PDZRN4: variants seen among roughly 807,000 people sequenced by gnomAD.
The protein encoded by PDZRN4 is PDZ domain-containing RING finger protein 4.
In PDZRN4, 70 loss-of-function variants were observed where a neutral mutation model predicts 99.0. The ratio of observed to expected loss-of-function variants is 0.71; its 90% confidence interval spans 0.58 to 0.86. The LOEUF is 0.86. Ranked by LOEUF, PDZRN4 falls within the 40% of genes least tolerant of loss-of-function variation. The pLI is 0.00. For missense variants in PDZRN4, 1,474 were observed against 1,331.2 expected, an observed-to-expected ratio of 1.11 and a Z score of -1.67; for synonymous variants, 551 against 501.6, an observed-to-expected ratio of 1.10 and a Z score of -1.32.
At chr12:41,458,718 G>A (rs1334911088) in intron 3 of PDZRN4, among the ~76,000 whole-genome samples, 1 of 152,086 alleles carries the variant, frequency 6.6e-6, no homozygotes, top group Non-Finnish European at 1.5e-5. Flanking sequence ...TGGTGGGACT[G>A]AGAAGGGTGG....
intron 3 of PDZRN4, among the ~76,000 whole-genome samples, chr12:41,227,586 G>A (rs1267426800): frequency 1.3e-5 from 2 of 152,010 alleles, no homozygotes; most frequent in Non-Finnish European, 2.9e-5. Context: ...GATGGTTTGA[G>A]CCCAGGAGGT....
intron 3 of PDZRN4, among the ~76,000 whole-genome samples, chr12:41,461,292 G>A (rs559133569): frequency 5.3e-5 from 8 of 151,768 alleles, no homozygotes; most frequent in South Asian, 2.1e-4. Flanking sequence ...GGGGTTTGTC[G>A]TACAGATTAT....
intron 3 of PDZRN4, among the ~76,000 whole-genome samples, chr12:41,301,550 C>T (rs934954304): frequency 2.6e-5 from 4 of 151,996 alleles, no homozygotes; most frequent in South Asian, 4.1e-4. Context: ...TCTTCCTGTA[C>T]ATAATTCAGA....
intron 3 of PDZRN4, among the ~76,000 whole-genome samples, chr12:41,277,919 G>A (rs114522440): frequency 2.5e-3 from 382 of 152,302 alleles, no homozygotes; most frequent in African/African-American, 8.9e-3. Flanking sequence ...AGTGAAAGGT[G>A]ATGTGGAATA....
At chr12:41,401,017 T>TA (rs1309294205) in intron 3 of PDZRN4, among the ~76,000 whole-genome samples, 1 of 152,192 alleles carries the variant, frequency 6.6e-6, no homozygotes, top group Non-Finnish European at 1.5e-5. Flanking sequence ...TGAAGCATTT[T>TA]AAAAATTCTT....
intron 3 of PDZRN4, among the ~76,000 whole-genome samples, chr12:41,497,903 A>T (rs193150662): frequency 6.6e-6 from 1 of 152,142 alleles, no homozygotes; most frequent in African/African-American, 2.4e-5. Flanking sequence ...TCAATTCCTT[A>T]TAATTATTTG....
At chr12:41,224,677 C>G (rs1335447353) in intron 3 of PDZRN4, among the ~76,000 whole-genome samples, 1 of 152,104 alleles carries the variant, frequency 6.6e-6, no homozygotes, top group Non-Finnish European at 1.5e-5. Context: ...GAGTTTGTGT[C>G]TTAGAGTAAT....
chr12:41,303,027 G>C (rs929031749), intron 3 of PDZRN4, among the ~76,000 whole-genome samples: 2 of 151,826 alleles, frequency 1.3e-5, no homozygotes, highest in Non-Finnish European at 2.9e-5. Context: ...AGCTACAAGT[G>C]TTTAGTCCAT....
chr12:41,222,429 G>C (rs1443486652), intron 3 of PDZRN4, among the ~76,000 whole-genome samples: 1 of 152,118 alleles, frequency 6.6e-6, no homozygotes, highest in African/African-American at 2.4e-5. Flanking sequence ...ACACAGAAAT[G>C]AGAAAACTCA....
intron 3 of PDZRN4, among the ~76,000 whole-genome samples, chr12:41,499,819 G>T (rs1246775738): frequency 1.3e-5 from 2 of 151,990 alleles, no homozygotes; most frequent in African/African-American, 4.8e-5. Context: ...CAACATACTG[G>T]ACTATTGTGA....
intron 3 of PDZRN4, among the ~76,000 whole-genome samples, chr12:41,266,535 T>G (rs1951278446): frequency 6.6e-6 from 1 of 152,164 alleles, no homozygotes; most frequent in Admixed American, 6.5e-5. Flanking sequence ...CAGGCTACTC[T>G]TTGACCCAGG....
At chr12:41,201,797 G>A (rs541446854) in intron 3 of PDZRN4, among the ~76,000 whole-genome samples, 1 of 152,142 alleles carries the variant, frequency 6.6e-6, no homozygotes, top group South Asian at 2.1e-4. Flanking sequence ...CGAAAATCTA[G>A]CCACAATGGA....
Position 41,254,240 on chromosome 12 carries a change from A to G in PDZRN4, c.843+60052A>G, listed in dbSNP as rs192923503. On this transcript the variant is annotated intron_variant, in intron 3 of 9. Coordinates refer to ENST00000402685, the MANE Select transcript of PDZRN4 (RefSeq NM_001164595.2). ...TGTCAGAGAGATCAGAAGCAGCCAC[A>G]GTTTGTTATTTAGCATAGTGAAGAT... Among the ~76,000 whole-genome samples, 22 of 152,282 alleles carry G rather than the reference A, an allele frequency of 1.4e-4. 1 individual carries two copies. Among genetic ancestry groups the G allele is most frequent in the Admixed American group, 1.4e-3 (21 of 15,292 alleles).
intron 3 of PDZRN4, among the ~76,000 whole-genome samples, chr12:41,305,753 T>G (rs1246983716): frequency 2.6e-5 from 4 of 152,192 alleles, no homozygotes; most frequent in Non-Finnish European, 5.9e-5. Flanking sequence ...CCAATAGCAT[T>G]CTTTCCCTGG....
intron 5 of PDZRN4, among the ~76,000 whole-genome samples, chr12:41,527,908 A>T (rs1469799701): frequency 6.6e-6 from 1 of 152,188 alleles, no homozygotes; most frequent in Non-Finnish European, 1.5e-5. Context: ...CATTGAGGCT[A>T]TGCCTACCTA....
chr12:41,440,488 G>A (rs1952669422), intron 3 of PDZRN4, among the ~76,000 whole-genome samples: 1 of 152,096 alleles, frequency 6.6e-6, no homozygotes, highest in African/African-American at 2.4e-5. Context: ...CAAACCAAAT[G>A]TGCTCGCTGA....
chr12:41,530,516 T>C (rs2120737423), intron 5 of PDZRN4, among the ~76,000 whole-genome samples: 1 of 152,330 alleles, frequency 6.6e-6, no homozygotes, highest in Middle Eastern at 3.4e-3. Context: ...GTGCAGTTTA[T>C]GTATTCACTT....
At chr12:41,485,847 T>C (rs1375302149) in intron 3 of PDZRN4, among the ~76,000 whole-genome samples, 5 of 152,180 alleles carry the variant, frequency 3.3e-5, no homozygotes, top group African/African-American at 7.2e-5. Flanking sequence ...GTGTCTTTGC[T>C]ACAACTTAGT....
intron 3 of PDZRN4, among the ~76,000 whole-genome samples, chr12:41,263,866 G>T (rs896166551): frequency 1.3e-5 from 2 of 151,916 alleles, no homozygotes; most frequent in Non-Finnish European, 2.9e-5. Flanking sequence ...CAAGAAGGAG[G>T]CTCCTCCTTT....
Sources: gnomAD v4.1 joint callset for allele counts (sites outside exome capture counted in the v4.1 genomes callset) on GRCh38, gnomAD v4.1.1 for gene constraint, MANE v1.5 for transcripts, NCBI Gene and HGNC (gene_info 2026-07-23, HGNC 2026-07-21) for gene names.